The following SMYD3 variants were observed in gnomAD, a reference collection of about 807,000 sequenced individuals.
SMYD3 encodes the protein SET and MYND domain containing 3, also known as histone-lysine N-methyltransferase SMYD3.
A neutral mutation model predicts 57.7 loss-of-function variants in SMYD3; 36 were observed. The observed-to-expected ratio is 0.62, with a 90% CI of 0.48 to 0.82. The LOEUF is 0.82. SMYD3 is among the 40% of genes least tolerant of loss of function. The pLI is 0.00. For missense variants in SMYD3, 515 were observed against 538.8 expected, an observed-to-expected ratio of 0.96 and a Z score of 0.44; for synonymous variants, 211 against 195.0, an observed-to-expected ratio of 1.08 and a Z score of -0.68.
intron 1 of SMYD3, among the ~76,000 whole-genome samples, chr1:246,408,793 C>T (rs982671390): frequency 1.5e-4 from 23 of 150,192 alleles, no homozygotes; most frequent in African/African-American, 5.6e-4. Flanking sequence ...TCTCAGCCTC[C>T]TGAGTAGCTG....
At chr1:246,126,051 G>A (rs2061504499) in intron 5 of SMYD3, among the ~76,000 whole-genome samples, 1 of 152,174 alleles carries the variant, frequency 6.6e-6, no homozygotes, top group African/African-American at 2.4e-5. Context: ...CAGCCATCTG[G>A]AAAGTGCTTC....
At chr1:245,986,695 C>T (rs754566329) in intron 5 of SMYD3, among the ~76,000 whole-genome samples, 42 of 152,302 alleles carry the variant, frequency 2.8e-4, no homozygotes, top group Admixed American at 4.6e-4. Context: ...TCTCCACTCT[C>T]GGTTGTTCCA....
intron 5 of SMYD3, among the ~76,000 whole-genome samples, chr1:246,189,883 G>A (rs1204001344): frequency 2.0e-5 from 3 of 152,194 alleles, no homozygotes; most frequent in Admixed American, 6.5e-5. Context: ...TAGGAGACAC[G>A]TGTCTCTAAA....
At chr1:246,399,749 A>G (rs1232912540) in intron 1 of SMYD3, among the ~76,000 whole-genome samples, 3 of 152,196 alleles carry the variant, frequency 2.0e-5, no homozygotes, top group African/African-American at 7.2e-5. Flanking sequence ...CCAAACTATA[A>G]AGTAAGCCAT....
At chr1:246,305,014 A>G (rs1173116790) in intron 5 of SMYD3, among the ~76,000 whole-genome samples, 1 of 152,190 alleles carries the variant, frequency 6.6e-6, no homozygotes, top group Non-Finnish European at 1.5e-5. Context: ...TGCAACAGGC[A>G]CAGAAGATAG....
chr1:245,808,949 G>C (rs897125275), intron 10 of SMYD3, among the ~76,000 whole-genome samples: 1 of 152,092 alleles, frequency 6.6e-6, no homozygotes, highest in South Asian at 2.1e-4. Flanking sequence ...TTTTAGAAGA[G>C]ATGGGGTTTC....
chr1:246,368,837 C>T (rs2066147814), intron 1 of SMYD3, among the ~76,000 whole-genome samples: 1 of 152,222 alleles, frequency 6.6e-6, no homozygotes, highest in African/African-American at 2.4e-5. Context: ...TGCCCTCAAA[C>T]ATCAGGCTCC....
chr1:245,834,355 C>T (rs574480617), intron 10 of SMYD3, among the ~76,000 whole-genome samples: 44 of 152,266 alleles, frequency 2.9e-4, no homozygotes, highest in Non-Finnish European at 5.6e-4. Context: ...TCACGATATC[C>T]GGGAGTAAAA....
At chr1:245,858,192 C>A (rs4654141) in intron 10 of SMYD3, among the ~76,000 whole-genome samples, 25,153 of 152,184 alleles carry the variant, frequency 0.17, 2,250 homozygotes, top group South Asian at 0.26. Context: ...ACCCTGAGCC[C>A]GTCTTTGTCA....
chr1:246,176,386 C>G (rs1007307352), intron 5 of SMYD3, among the ~76,000 whole-genome samples: 1 of 152,118 alleles, frequency 6.6e-6, no homozygotes, highest in African/African-American at 2.4e-5. Flanking sequence ...CATTAAAAAA[C>G]AAAACATTAT....
chr1:245,982,998 A>G (rs1572842677), intron 5 of SMYD3, among the ~76,000 whole-genome samples: 1 of 152,344 alleles, frequency 6.6e-6, no homozygotes. Flanking sequence ...AGTGGAAAAA[A>G]GGTTCTTAGA....
intron 5 of SMYD3, among the ~76,000 whole-genome samples, chr1:246,189,749 A>T (rs2062702033): frequency 6.6e-6 from 1 of 152,202 alleles, no homozygotes; most frequent in Non-Finnish European, 1.5e-5. Context: ...TGTACGTATC[A>T]TGGTAGCACT....
Position 246,073,874 on chromosome 1 carries a change from G to A in SMYD3, c.532-143937C>T, listed in dbSNP as rs141261918. Among the ~76,000 whole-genome samples the A allele has an allele frequency of 8.5e-5, 13 of 152,172 alleles. No individual in the cohort carries two copies. In the East Asian group the frequency reaches 2.3e-3, roughly 27 times the overall value. On this transcript the variant is annotated intron_variant, in intron 5 of 11. Transcript: ENST00000490107. ...CAACGCCAGATACTACAGAAGTTCC[G>A]TATGACTCCATTCTGGCGCAACCAT... is the stretch of plus-strand genomic sequence containing the variant.
intron 2 of SMYD3, among the ~76,000 whole-genome samples, chr1:246,348,358 G>A (rs938779546): frequency 6.6e-6 from 1 of 152,022 alleles, no homozygotes; most frequent in Non-Finnish European, 1.5e-5. Context: ...AGAGGTTTTA[G>A]TGAGCCTAGA....
chr1:246,432,908 G>A (rs545346157), intron 1 of SMYD3, among the ~76,000 whole-genome samples: 9 of 152,198 alleles, frequency 5.9e-5, no homozygotes, highest in Non-Finnish European at 1.3e-4. Flanking sequence ...GCCAAAGCAG[G>A]TTCAATGGAT....
chr1:245,787,200 C>G (rs1364399414), intron 10 of SMYD3, among the ~76,000 whole-genome samples: 1 of 152,178 alleles, frequency 6.6e-6, no homozygotes, highest in Admixed American at 6.5e-5. Flanking sequence ...GAAGCAGATT[C>G]TTAACGCTTG....
intron 10 of SMYD3, among the ~76,000 whole-genome samples, chr1:245,818,508 A>G (rs563493904): frequency 2.0e-5 from 3 of 152,186 alleles, no homozygotes; most frequent in East Asian, 1.9e-4. Context: ...ATAACCAGCT[A>G]ACATCATAAT....
intron 5 of SMYD3, among the ~76,000 whole-genome samples, chr1:245,967,019 A>T (rs981655117): frequency 2.6e-5 from 4 of 152,106 alleles, no homozygotes; most frequent in African/African-American, 9.7e-5. Flanking sequence ...CAGAACTCCA[A>T]CTGCTTTTTG....
At chr1:246,362,690 T>A (rs891322744) in intron 1 of SMYD3, among the ~76,000 whole-genome samples, 2 of 152,392 alleles carry the variant, frequency 1.3e-5, no homozygotes, top group African/African-American at 4.8e-5. Context: ...CTCCAGCTCC[T>A]AACCGCGAGT....
Sources: gnomAD v4.1 joint callset for allele counts (sites outside exome capture counted in the v4.1 genomes callset) on GRCh38, gnomAD v4.1.1 for gene constraint, MANE v1.5 for transcripts, NCBI Gene and HGNC (gene_info 2026-07-23, HGNC 2026-07-21) for gene names.